The following AVL9 variants were observed in gnomAD, a reference collection of about 807,000 sequenced individuals.
AVL9 encodes AVL9 cell migration associated.
In AVL9, 49 loss-of-function variants were observed where a neutral mutation model predicts 79.2. The ratio of observed to expected loss-of-function variants is 0.62; its 90% CI spans 0.49 to 0.79. The LOEUF (loss-of-function observed/expected upper bound fraction) is 0.79. Among genes scored for constraint, AVL9 ranks in the 30% least tolerant of loss-of-function variants. The pLI is 0.00. For synonymous variants in AVL9, 299 were observed against 280.6 expected, an observed-to-expected ratio of 1.07 and a Z score of -0.65; for missense variants, 682 against 776.8, an observed-to-expected ratio of 0.88 and a Z score of 1.45.
intron 1 of AVL9, among the ~76,000 whole-genome samples, chr7:32,497,070 A>G (rs1786857013): frequency 6.6e-6 from 1 of 152,122 alleles, no homozygotes; most frequent in Admixed American, 6.5e-5. Flanking sequence ...ACTGCACTCC[A>G]GCCTGGGTGA....
chr7:32,500,349 G>T (rs1187773587), intron 1 of AVL9, among the ~76,000 whole-genome samples: 1 of 152,182 alleles, frequency 6.6e-6, no homozygotes, highest in Non-Finnish European at 1.5e-5. Context: ...ATGATGATGA[G>T]CTTTTTTTCA....
chr7:32,503,331 TATCTATATATATAG>T (rs1787232718), intron 1 of AVL9, among the ~76,000 whole-genome samples: 1 of 104,678 alleles, frequency 9.6e-6, no homozygotes, highest in Admixed American at 1.1e-4. Context: ...TATATATATA[TATCTATATATATAG>T]ATATAGATAT....
chr7:32,522,417 G>A (rs1478768607), intron 1 of AVL9, among the ~76,000 whole-genome samples: 1 of 152,188 alleles, frequency 6.6e-6, no homozygotes, highest in African/African-American at 2.4e-5. Flanking sequence ...TCATTTTGGA[G>A]CTTTAACATT....
chr7:32,509,885 T>A (rs138729382), intron 1 of AVL9, among the ~76,000 whole-genome samples: 1 of 152,262 alleles, frequency 6.6e-6, no homozygotes, highest in East Asian at 1.9e-4. Context: ...AGGTAATCTC[T>A]AGAATCTGAA....
chr7:32,568,831 G>T (rs866835749), intron 10 of AVL9, among the ~76,000 whole-genome samples: 53 of 152,118 alleles, frequency 3.5e-4, no homozygotes, highest in African/African-American at 1.3e-3. Context: ...TCTGAATGAG[G>T]AGCCTGGGTT....
chr7:32,570,179 A>T, intron 11 of AVL9, 25 bp downstream of exon 11: 1 of 1,612,982 alleles, frequency 6.2e-7, no homozygotes, highest in South Asian at 1.1e-5. Flanking sequence ...GAGTGTGTGT[A>T]TTTGGCCCTG....
At chr7:32,564,781 A>G (rs891513204) in intron 10 of AVL9, among the ~76,000 whole-genome samples, 2 of 152,152 alleles carry the variant, frequency 1.3e-5, no homozygotes, top group South Asian at 2.1e-4. Context: ...AAGGAATAAG[A>G]GGCGGGGCTA....
chr7:32,499,032 A>G (rs143198465), intron 1 of AVL9, among the ~76,000 whole-genome samples: 69,497 of 69,612 alleles, frequency 1, 34,692 homozygotes, highest in Middle Eastern at 1. Context: ...GCGTGGTGGC[A>G]CATGCCTGTG....
At chr7:32,514,384 A>G (rs1253445981) in intron 1 of AVL9, among the ~76,000 whole-genome samples, 1 of 152,206 alleles carries the variant, frequency 6.6e-6, no homozygotes, top group East Asian at 1.9e-4. Context: ...ACACATTTTT[A>G]ACAAAGCACA....
intron 10 of AVL9, among the ~76,000 whole-genome samples, chr7:32,561,653 A>T (rs553003518): frequency 1.3e-4 from 20 of 152,282 alleles, no homozygotes; most frequent in Admixed American, 5.9e-4. Context: ...ACAAAACAAA[A>T]CAAAAACAAA....
rs1791828361 is a variant in AVL9, at chr7:32,587,104, CT to C, written c.*3199del. On this transcript the variant is annotated 3_prime_UTR_variant, in exon 16 of 16. Coordinates refer to ENST00000318709, the MANE Select transcript of AVL9 (RefSeq NM_015060.3). ...TATGATGTAACTTGCTCAACCTTAT[CT>C]TCCTTTCCAAATTCTATACTAAGCA... 1 of 152,166 alleles carries C rather than the reference CT, an allele frequency of 6.6e-6. No individual in the cohort carries two copies. Among genetic ancestry groups the C allele is most frequent in the Non-Finnish European group, 1.5e-5 (1 of 68,018 alleles). The allele number at this position is 152,166 out of a possible 1,614,324, so 9.4% of individuals were successfully genotyped here.
intron 1 of AVL9, among the ~76,000 whole-genome samples, chr7:32,502,102 G>A (rs907300972): frequency 4.0e-5 from 6 of 151,784 alleles, no homozygotes; most frequent in African/African-American, 1.5e-4. Context: ...AGTGGCTCAT[G>A]TCTGTAATCC....
chr7:32,574,856 G>A (rs1270856010), intron 12 of AVL9, among the ~76,000 whole-genome samples: 3 of 152,172 alleles, frequency 2.0e-5, no homozygotes, highest in African/African-American at 7.2e-5. Flanking sequence ...ACTTCTTTAT[G>A]CTGTGTATGG....
At chr7:32,574,829 G>A (rs567111618) in intron 12 of AVL9, among the ~76,000 whole-genome samples, 1 of 152,260 alleles carries the variant, frequency 6.6e-6, no homozygotes, top group South Asian at 2.1e-4. Flanking sequence ...ACTGCTTGAG[G>A]AAGTGTTCTT....
At chr7:32,547,884 C>T (rs1192452149) in intron 3 of AVL9, among the ~76,000 whole-genome samples, 2 of 152,208 alleles carry the variant, frequency 1.3e-5, no homozygotes, top group African/African-American at 4.8e-5. Context: ...AGGTGTCAGG[C>T]AGTACACTAG....
intron 1 of AVL9, chr7:32,537,914 A>C (rs1484475950): frequency 1.3e-5 from 2 of 152,238 alleles, no homozygotes; most frequent in African/African-American, 2.4e-5. Context: ...TTTATGAAAG[A>C]GTTGTGTTCT....
At chr7:32,561,930 G>A (rs1482667465) in intron 10 of AVL9, among the ~76,000 whole-genome samples, 2 of 152,178 alleles carry the variant, frequency 1.3e-5, no homozygotes, top group African/African-American at 4.8e-5. Flanking sequence ...GAGGACAGGG[G>A]AAGAGACAGG....
At chr7:32,550,417 G>C (rs938514564) in intron 4 of AVL9, among the ~76,000 whole-genome samples, 4 of 152,168 alleles carry the variant, frequency 2.6e-5, no homozygotes, top group Admixed American at 2.6e-4. Context: ...ACAAGGGATG[G>C]GAAGAGGGTA....
intron 1 of AVL9, among the ~76,000 whole-genome samples, chr7:32,503,949 C>T (rs138123871): frequency 6.2e-4 from 95 of 152,286 alleles, no homozygotes; most frequent in African/African-American, 2.1e-3. Flanking sequence ...TCCCAAAGTG[C>T]TGGGATTACA....
Sources: gnomAD v4.1 joint callset for allele counts (sites outside exome capture counted in the v4.1 genomes callset) on GRCh38, gnomAD v4.1.1 for gene constraint, MANE v1.5 for transcripts, NCBI Gene and HGNC (gene_info 2026-07-23, HGNC 2026-07-21) for gene names.